Variants in MTX1 observed in about 807,000 individuals in gnomAD.
The protein encoded by MTX1 is metaxin 1.
MTX1 carries 20 observed loss-of-function variants against 39.4 expected under a neutral mutation model. The observed-to-expected ratio is 0.51, with a 90% CI of 0.36 to 0.74. The LOEUF is 0.74. Among genes scored for constraint, MTX1 ranks in the 30% least tolerant of loss-of-function variants. MTX1 has a pLI of 0.00. For missense variants in MTX1, 481 were observed against 485.9 expected, an observed-to-expected ratio of 0.99 and a Z score of 0.10; for synonymous variants, 209 against 198.6, an observed-to-expected ratio of 1.05 and a Z score of -0.44.
rs1035332431 is a variant in MTX1, at chr1:155,212,463, C to T, written c.850C>T (p.Leu284Phe). Residue 284 changes from leucine (L) to phenylalanine (F), a missense_variant, in exon 5 of 8, where the codon CTC (leucine) becomes TTC (phenylalanine). Physicochemically the swap from Leu to Phe is conservative, Grantham distance 22. Coordinates refer to ENST00000368376, the MANE Select transcript of MTX1 (RefSeq NM_002455.5). ...KWYAEAMPFP[L>F]NFFLPGRMQR... ...GTATGCAGAGGCTATGCCCTTTCCC[C>T]TCAACTTCTTCCTGCCTGGCCGCAT... is the stretch of plus-strand genomic sequence containing the variant. 8.1e-6 allele frequency: 13 copies of T among 1,613,992 alleles called. No individual in the cohort carries two copies. The highest frequency in any genetic ancestry group is 1.1e-5 in the Non-Finnish European group (13 of 1,179,958).
In MTX1 at chr1:155,213,541, A is replaced by G. The variant is rs1333664697; in HGVS notation, c.1244A>G (p.Tyr415Cys). 1 of 139,214 alleles carries G rather than the reference A, an allele frequency of 7.2e-6. No homozygotes were observed. Among genetic ancestry groups the G allele is most frequent in the Admixed American group, 1.6e-4 (1 of 6,236 alleles). 8.6% of individuals were successfully genotyped at this position (139,214 alleles called of 1,614,324 possible). A position where few individuals can be genotyped will look rare whatever the true frequency, so the allele number is the denominator to read the frequency against. ...PAGPETEEEP[Y>C]RRRNQILSVL... The stretch of plus-strand genomic sequence containing the variant: ...GGCCCAGAGACTGAGGAGGAGCCAT[A>G]CCGGCGCCGGAACCAGATCCTATCT... Residue 415 changes from tyrosine to cysteine, a missense_variant, in exon 8 of 8, where the codon TAC becomes TGC. Around this residue, in one of 2 missense-constraint regions of MTX1, gnomAD observed 113 missense variants for 153.2 expected, o/e 0.74. Coordinates refer to ENST00000368376, the MANE Select transcript of MTX1 (RefSeq NM_002455.5).
chr1:155,209,113 C>G lies in MTX1; in HGVS notation c.309C>G (p.Ala103=). The change falls in exon 1 of 8, where the codon GCC becomes GCG. Residue 103 remains alanine (A), a synonymous_variant. Transcript: ENST00000368376. ...PVPRSSAASR[A]RRSLASPGIS... ...CCCGCAGTTCAGCTGCCAGTCGGGC[C>G]AGAAGAAGCCTCGCCTCCCCGGGGA... The G allele has an allele frequency of 1.9e-6, 3 of 1,542,904 alleles. No individual in the cohort carries two copies. The highest frequency in any genetic ancestry group is 2.6e-6 in the Non-Finnish European group (3 of 1,143,396).
intron 6 of MTX1, 113 bp downstream of exon 6, chr1:155,212,883 C>A (rs1557891365): frequency 4.0e-6 from 6 of 1,516,572 alleles, no homozygotes; most frequent in Admixed American, 2.1e-5. Flanking sequence ...GATAGGAGGT[C>A]CCTGGGATAG....
rs1280181195 is a variant in MTX1 at position 155,209,203 on chromosome 1, G to A, written c.399G>A (p.Gly133=). The A allele has an allele frequency of 7.5e-6, 11 of 1,463,980 alleles. No individual in the cohort carries two copies. Among genetic ancestry groups the A allele is most frequent in the Non-Finnish European group, 9.9e-6 (11 of 1,105,720 alleles). 90.7% of individuals were successfully genotyped at this position (1,463,980 alleles called of 1,614,324 possible). A position where few individuals can be genotyped will look rare whatever the true frequency, so the allele number is the denominator to read the frequency against. ...TGGCGGGGGGCGGGCCCAGGCAGGG[G>A]AGGGCAGAAGCACACAAGGAAGTGT... ...GAVAGGGPRQ[G]RAEAHKEVFP... The change falls in exon 1 of 8, where the codon GGG becomes GGA. Residue 133 remains glycine, a synonymous_variant. Coordinates refer to ENST00000368376, the MANE Select transcript of MTX1 (RefSeq NM_002455.5).
At chr1:155,212,656 T>A in intron 5 of MTX1, 38 bp from the exon 6 acceptor site, 3 of 1,612,862 alleles carry the variant, frequency 1.9e-6, no homozygotes, top group Non-Finnish European at 2.5e-6. Context: ...GGTGGCACTG[T>A]TCCCACAGCT....
intron 5 of MTX1, 44 bp downstream of exon 5, chr1:155,212,611 G>C (rs1468751127): frequency 6.2e-7 from 1 of 1,606,332 alleles, no homozygotes; most frequent in Non-Finnish European, 8.5e-7. Context: ...GAGCCCCAAG[G>C]ATGCTGGCCA....
chr1:155,209,355 T>C, intron 1 of MTX1, 23 bp downstream of exon 1: 1 of 1,411,070 alleles, frequency 7.1e-7, no homozygotes, highest in Non-Finnish European at 9.2e-7. Flanking sequence ...GCCGGCGCCC[T>C]CTGCTGTGCC....
chr1:155,208,819 ACC>A lies in MTX1; in HGVS notation c.21_22del (p.Arg8GlnfsTer54), dbSNP rs755845788. 1.9e-6 allele frequency: 3 copies of A among 1,547,234 alleles called. No homozygotes were observed. The South Asian group carries it at 3.5e-5, about 18-fold the overall frequency. ...CTGTGGAAAACATGCTGCTCGGGGGACCCCCCCGCAGTCCCCGCTCGGGGACG... is the reference window on the plus strand; with the variant it reads ...CTGTGGAAAACATGCTGCTCGGGGGACCCCCGCAGTCCCCGCTCGGGGACG... MLLGG[P>X]PRSPRSGTSP... On this transcript the variant is annotated frameshift_variant, in exon 1 of 8. Coordinates refer to ENST00000368376, the MANE Select transcript of MTX1 (RefSeq NM_002455.5). LOFTEE classifies it high-confidence loss of function.
rs779246626 is a variant in MTX1 at position 155,212,486 on chromosome 1, C to T, written c.873C>T (p.Arg291=). ...CCCTCAACTTCTTCCTGCCTGGCCGCATGCAGCGGCAGTACATGGAACGGC... is the reference window on the plus strand; with the variant it reads ...CCCTCAACTTCTTCCTGCCTGGCCGTATGCAGCGGCAGTACATGGAACGGC... ...PFPLNFFLPG[R]MQRQYMERLQ... is the part of the protein sequence containing the mutation. Residue 291 remains arginine (R), a synonymous_variant, in exon 5 of 8, where the codon CGC becomes CGT. Transcript: ENST00000368376. 1.2e-6 allele frequency: 2 copies of T among 1,613,972 alleles called. No individual in the cohort carries two copies. The highest frequency in any genetic ancestry group is 1.7e-6 in the Non-Finnish European group (2 of 1,179,872).
In MTX1 at chr1:155,209,046, T is replaced by C. The variant is rs772450682; in HGVS notation, c.242T>C (p.Met81Thr). 1.9e-6 allele frequency: 3 copies of C among 1,547,492 alleles called. No individual in the cohort carries two copies. The Admixed American group carries it at 5.9e-5, about 31-fold the overall frequency. ...ALSRYVGHLW[M>T]GRRPPSPEAR... ...TCCCGCTACGTGGGCCACCTCTGGA[T>C]GGGCCGGCGGCCGCCCTCCCCCGAG... Residue 81 changes from methionine to threonine, a missense_variant, in exon 1 of 8, where the codon ATG becomes ACG. Physicochemically the swap from Met to Thr is moderately conservative, Grantham distance 81. Around this residue, in one of 2 missense-constraint regions of MTX1, gnomAD observed 368 missense variants for 332.8 expected, o/e 1.11. Coordinates refer to ENST00000368376, the MANE Select transcript of MTX1 (RefSeq NM_002455.5).
rs1671148131 is a variant in MTX1, at chr1:155,212,108, A to T, written c.679-19A>T. On this transcript the variant is annotated intron_variant, in intron 3 of 7. Coordinates refer to ENST00000368376, the MANE Select transcript of MTX1 (RefSeq NM_002455.5). Reference sequence around the variant, plus strand: ...CTTGCAGCTCCCTAGTGTCCACGCCATGGATATTTCCTCCACAGAAGTACA... The same window carrying T: ...CTTGCAGCTCCCTAGTGTCCACGCCTTGGATATTTCCTCCACAGAAGTACA... 1 of 1,589,404 alleles carries T rather than the reference A, an allele frequency of 6.3e-7. No individual in the cohort carries two copies. Among genetic ancestry groups the T allele is most frequent in the South Asian group, 1.2e-5 (1 of 86,656 alleles).
chr1:155,210,513 A>T (rs750849241), intron 2 of MTX1, 35 bp from the exon 3 acceptor site: 14 of 1,610,808 alleles, frequency 8.7e-6, no homozygotes, highest in Non-Finnish European at 1.2e-5. Flanking sequence ...TAGGCAGCTA[A>T]GGGTCTGGTT....
chr1:155,209,676 C>G (rs1553212843), intron 1 of MTX1, among the ~76,000 whole-genome samples: 4 of 152,176 alleles, frequency 2.6e-5, no homozygotes, highest in Non-Finnish European at 1.5e-5. Flanking sequence ...GGGACCTACT[C>G]TAGCTTGGAA....
chr1:155,212,822 C>T (rs1671174333), intron 6 of MTX1, 52 bp downstream of exon 6: 5 of 1,500,522 alleles, frequency 3.3e-6, no homozygotes, highest in Non-Finnish European at 4.5e-6. Flanking sequence ...GATACAGGTT[C>T]AGATGGAGCA....
At chr1:155,210,802 G>A (rs543179178) in intron 3 of MTX1, 175 bp downstream of exon 3, 7 of 641,368 alleles carry the variant, frequency 1.1e-5, no homozygotes, top group Non-Finnish European at 1.9e-5. Context: ...TATTAAAGCA[G>A]TCGGCAAGAG....
rs770878465 is a variant in MTX1 at position 155,212,731 on chromosome 1, C to G, written c.992C>G (p.Ser331Cys). The part of the protein sequence containing the change: ...REARECLTLL[S>C]QRLGSQKFFF... ...GCTCGGGAGTGTCTGACCCTGCTCT[C>G]TCAGCGCCTGGGCTCTCAAAAGTTC... The change falls in exon 6 of 8, where the codon TCT becomes TGT. Residue 331 changes from serine to cysteine, a missense_variant. By Grantham distance (112) the Ser-to-Cys change is moderately radical. Around this residue, in one of 2 missense-constraint regions of MTX1, gnomAD observed 113 missense variants for 153.2 expected, o/e 0.74. Coordinates refer to ENST00000368376, the MANE Select transcript of MTX1 (RefSeq NM_002455.5). The G allele has an allele frequency of 3.3e-5, 53 of 1,600,392 alleles. No homozygotes were observed. Among genetic ancestry groups the G allele is most frequent in the Non-Finnish European group, 4.3e-5 (51 of 1,173,584 alleles).
At position 155,209,289 on chromosome 1, in the gene MTX1, G is replaced by C. The variant is rs1251766010; in HGVS notation, c.485G>C (p.Gly162Ala). ...ATGGAGCTGTTCTGCTGGTCAGGGGGCTGGGGGCTGCCGTCAGTGGACCTG... is the reference window on the plus strand; with the variant it reads ...ATGGAGCTGTTCTGCTGGTCAGGGGCCTGGGGGCTGCCGTCAGTGGACCTG... ...APMELFCWSG[G>A]WGLPSVDLDS... The change falls in exon 1 of 8, where the codon GGC becomes GCC. Residue 162 changes from glycine to alanine, a missense_variant. Gly to Ala is a moderately conservative substitution (Grantham distance 60, BLOSUM62 0). This residue lies in a region of MTX1 where 368 missense variants were observed against 332.8 expected (regional missense o/e 1.11). Transcript: ENST00000368376. 3 of 1,440,416 alleles carry C rather than the reference G, an allele frequency of 2.1e-6. No individual in the cohort carries two copies. The highest frequency in any genetic ancestry group is 2.9e-5 in the Admixed American group (1 of 34,370). The allele number at this position is 1,440,416 out of a possible 1,614,324, so 89.2% of individuals were successfully genotyped here. A position where few individuals can be genotyped will look rare whatever the true frequency, so the allele number is the denominator to read the frequency against.
At chr1:155,209,717 C>T (rs1671026488) in intron 1 of MTX1, among the ~76,000 whole-genome samples, 1 of 152,192 alleles carries the variant, frequency 6.6e-6, no homozygotes, top group Admixed American at 6.5e-5. Flanking sequence ...CCCTTCTCCT[C>T]TTCCTCCTCA....
chr1:155,212,301 A>G (rs922315255), intron 4 of MTX1, 82 bp downstream of exon 4: 30 of 1,597,698 alleles, frequency 1.9e-5, no homozygotes, highest in Middle Eastern at 1.7e-4. Flanking sequence ...AGGCTCAGGA[A>G]AGCATGGGGG....
Sources: gnomAD v4.1 joint callset for allele counts (sites outside exome capture counted in the v4.1 genomes callset) on GRCh38, gnomAD v4.1.1 for gene constraint, gnomAD v4.1.1 regional missense constraint, MANE v1.5 for transcripts, NCBI Gene and HGNC (gene_info 2026-07-23, HGNC 2026-07-21) for gene names.